The following COL11A1 variants were observed in gnomAD, a reference collection of about 807,000 sequenced individuals.
COL11A1 encodes collagen alpha-1(XI) chain.
A neutral mutation model predicts 265.2 loss-of-function variants in COL11A1; 74 were observed. That is an observed-to-expected ratio of 0.28 (90% CI 0.23 to 0.34). The LOEUF (loss-of-function observed/expected upper bound fraction) is 0.34. COL11A1 is among the 10% of genes least tolerant of loss of function. COL11A1 has a pLI of 1.00. For synonymous variants in COL11A1, 816 were observed against 727.6 expected (o/e 1.12, Z -1.96); for missense variants, 2,165 against 2,263.6 (o/e 0.96, Z 0.88).
At chr1:103,099,056 C>T (rs1421141650) in intron 1 of COL11A1, among the ~76,000 whole-genome samples, 3 of 151,802 alleles carry the variant, frequency 2.0e-5, no homozygotes, top group Admixed American at 2.0e-4. Flanking sequence ...ACAACGCCCT[C>T]ACTTCATTCA....
intron 35 of COL11A1, among the ~76,000 whole-genome samples, chr1:102,977,146 A>G (rs1662573592): frequency 6.6e-6 from 1 of 152,142 alleles, no homozygotes; most frequent in South Asian, 2.1e-4. Flanking sequence ...CCCAACTCAT[A>G]TATTTTGAGG....
At chr1:103,063,504 G>A (rs1329421314) in intron 4 of COL11A1, among the ~76,000 whole-genome samples, 2 of 151,990 alleles carry the variant, frequency 1.3e-5, no homozygotes, top group Non-Finnish European at 2.9e-5. Context: ...TGGAACAACT[G>A]GACAGCCACA....
intron 12 of COL11A1, 22 bp from the exon 13 acceptor site, chr1:103,014,616 A>G: frequency 1.3e-6 from 2 of 1,595,296 alleles, no homozygotes; most frequent in South Asian, 2.2e-5. Flanking sequence ...TAACATTAAG[A>G]AATTCAAAAT....
At chr1:103,046,432 G>A (rs967352008) in intron 4 of COL11A1, among the ~76,000 whole-genome samples, 2 of 151,550 alleles carry the variant, frequency 1.3e-5, no homozygotes, top group Admixed American at 6.6e-5. Flanking sequence ...CATATCCTTT[G>A]CCCACTTTTT....
intron 25 of COL11A1, among the ~76,000 whole-genome samples, chr1:102,997,616 C>T (rs1664750753): frequency 6.6e-6 from 1 of 151,670 alleles, no homozygotes. Flanking sequence ...AATGTATAGC[C>T]ATATCACAAT....
chr1:102,947,037 T>C lies in COL11A1; in HGVS notation c.3169-81A>G. 1.8e-5 allele frequency: 20 copies of C among 1,108,108 alleles called. No homozygotes were observed. In the South Asian group the frequency reaches 2.1e-4, roughly 12 times the overall value. 68.6% of individuals were successfully genotyped at this position (1,108,108 alleles called of 1,614,324 possible). ...AATCACTTATTTAACAATAGCTTCTTACAGTCTAGTAAATTATGTTAAAGA... is the reference window on the plus strand; with the variant it reads ...AATCACTTATTTAACAATAGCTTCTCACAGTCTAGTAAATTATGTTAAAGA... On this transcript the variant is annotated intron_variant, in intron 41 of 66. Transcript: ENST00000370096.
intron 37 of COL11A1, among the ~76,000 whole-genome samples, chr1:102,969,082 A>G (rs988565230): frequency 1.3e-5 from 2 of 152,088 alleles, no homozygotes; most frequent in African/African-American, 4.8e-5. Flanking sequence ...TCATACAGAT[A>G]TCTTTCCCAA....
intron 1 of COL11A1, among the ~76,000 whole-genome samples, chr1:103,102,678 C>T (rs897880868): frequency 5.3e-5 from 8 of 151,868 alleles, no homozygotes; most frequent in African/African-American, 1.9e-4. Context: ...AATACCTAAA[C>T]ATAATCATTA....
intron 1 of COL11A1, among the ~76,000 whole-genome samples, chr1:103,084,033 C>T (rs914254618): frequency 1.3e-5 from 2 of 152,162 alleles, no homozygotes; most frequent in Admixed American, 1.3e-4. Context: ...AAAACACCCA[C>T]TTAAAAGCAA....
rs575790200 is a variant in COL11A1 at position 103,076,561 on chromosome 1, C to T, written c.489-1781G>A. ...TTGCCCCTTGCACATGTTCTTCACC[C>T]AGGCAGGATTGTTCTTTCTCCACAT... On this transcript the variant is annotated intron_variant, in intron 3 of 66. Coordinates refer to ENST00000370096, the MANE Select transcript of COL11A1 (RefSeq NM_001854.4). Among the ~76,000 whole-genome samples the T allele has an allele frequency of 5.6e-4, 86 of 152,254 alleles. 3 individuals carry two copies. In the South Asian group the frequency reaches 0.017, roughly 30 times the overall value.
At chr1:102,925,935 T>A (rs1199448171) in intron 46 of COL11A1, among the ~76,000 whole-genome samples, 1 of 152,118 alleles carries the variant, frequency 6.6e-6, no homozygotes, top group African/African-American at 2.4e-5. Context: ...ATAGAGTGCA[T>A]CTAATTTAGT....
intron 37 of COL11A1, among the ~76,000 whole-genome samples, chr1:102,968,574 A>C (rs1241428344): frequency 6.6e-6 from 1 of 152,240 alleles, no homozygotes; most frequent in Non-Finnish European, 1.5e-5. Context: ...GATAATAAAT[A>C]TATGGCAAAG....
chr1:102,990,218 G>A (rs1022222348), intron 28 of COL11A1, among the ~76,000 whole-genome samples: 2 of 151,868 alleles, frequency 1.3e-5, no homozygotes, highest in African/African-American at 2.4e-5. Context: ...AACAACAAAA[G>A]GAAACACTTA....
At chr1:103,092,672 C>G (rs1241717615) in intron 1 of COL11A1, among the ~76,000 whole-genome samples, 1 of 152,102 alleles carries the variant, frequency 6.6e-6, no homozygotes, top group Non-Finnish European at 1.5e-5. Context: ...ATATCATTTC[C>G]ACATGAGCAG....
intron 41 of COL11A1, among the ~76,000 whole-genome samples, chr1:102,958,355 T>C (rs906157479): frequency 4.9e-4 from 75 of 152,058 alleles, no homozygotes; most frequent in Admixed American, 2.8e-3. Flanking sequence ...GGGAAACTCA[T>C]AGTAAGTTTT....
chr1:102,935,256 T>A, intron 44 of COL11A1, 143 bp from the exon 45 acceptor site: 2 of 666,436 alleles, frequency 3.0e-6, no homozygotes, highest in South Asian at 3.5e-5. Context: ...TTATTTTGCA[T>A]TTACTGCAAT....
intron 1 of COL11A1, among the ~76,000 whole-genome samples, chr1:103,098,332 T>C (rs1481870471): frequency 6.6e-6 from 1 of 151,934 alleles, no homozygotes; most frequent in Non-Finnish European, 1.5e-5. Flanking sequence ...CAGTGCCTAG[T>C]TATACAAGCC....
intron 1 of COL11A1, among the ~76,000 whole-genome samples, chr1:103,085,656 G>A (rs1445502149): frequency 6.6e-6 from 1 of 152,120 alleles, no homozygotes; most frequent in Non-Finnish European, 1.5e-5. Flanking sequence ...ATTCAGAGTA[G>A]ACCATATGCT....
In COL11A1 at chr1:103,028,433, T is replaced by C. The variant is rs552412582; in HGVS notation, c.781-2101A>G. Among the ~76,000 whole-genome samples the C allele has an allele frequency of 1.3e-3, 195 of 152,322 alleles. 1 individual carries two copies. The highest frequency in any genetic ancestry group is 0.01 in the Middle Eastern group (3 of 294). On this transcript the variant is annotated intron_variant, in intron 5 of 66. Transcript: ENST00000370096. Reference sequence around the variant, plus strand: ...TGAATATACTCAAGACATTGCTTAGTATATTCGCAATATATATACATTGCT... The same window carrying C: ...TGAATATACTCAAGACATTGCTTAGCATATTCGCAATATATATACATTGCT...
Sources: allele counts gnomAD v4.1 joint callset (sites outside exome capture counted in the v4.1 genomes callset), GRCh38; gene constraint gnomAD v4.1.1; transcripts MANE v1.5; gene names NCBI Gene and HGNC (gene_info 2026-07-23, HGNC 2026-07-21).